UNC13C: variants seen among roughly 807,000 people sequenced by gnomAD.
The protein encoded by UNC13C is unc-13 homolog C, also known as protein unc-13 homolog C.
Under a neutral mutation model 245.4 loss-of-function variants are expected in UNC13C, and 174 were observed. The observed-to-expected ratio is 0.71, with a 90% CI of 0.63 to 0.80. UNC13C has a LOEUF of 0.80. Among genes scored for constraint, UNC13C ranks in the 30% least tolerant of loss-of-function variants. The probability of loss-of-function intolerance (pLI) is 0.00; values close to 1 mark genes in which losing one functional copy is unlikely to be tolerated. For synonymous variants in UNC13C, 992 were observed against 895.1 expected, an observed-to-expected ratio of 1.11 and a Z score of -1.93; for missense variants, 2,829 against 2,602.9, an observed-to-expected ratio of 1.09 and a Z score of -1.89.
At chr15:53,857,996 C>G in the UNC13C span, among the ~76,000 whole-genome samples, 1 of 152,132 alleles carries the variant, frequency 6.6e-6, no homozygotes, top group African/African-American at 2.4e-5. Flanking sequence ...GCTTAACATG[C>G]TGCTTTCTTA....
chr15:54,018,977 A>G (rs1191211612), intron 2 of UNC13C, among the ~76,000 whole-genome samples: 3 of 152,224 alleles, frequency 2.0e-5, no homozygotes, highest in African/African-American at 7.2e-5. Flanking sequence ...GTGGCTTTTA[A>G]TCGCTAAGAC....
At chr15:53,878,222 C>T in the UNC13C span, among the ~76,000 whole-genome samples, 30,510 of 151,984 alleles carry the variant, frequency 0.2, 3,451 homozygotes, top group Non-Finnish European at 0.25. Context: ...AACTTAGAAA[C>T]TCCATCTGTG....
intron 17 of UNC13C, among the ~76,000 whole-genome samples, chr15:54,361,865 A>C (rs1011336404): frequency 6.6e-6 from 1 of 152,218 alleles, no homozygotes; most frequent in Non-Finnish European, 1.5e-5. Flanking sequence ...TAGAGAGTAC[A>C]AGAACTTAAA....
At position 54,501,998 on chromosome 15, in the gene UNC13C, C is replaced by T. The variant is rs1003442002; in HGVS notation, c.5301+1020C>T. On this transcript the variant is annotated intron_variant, in intron 22 of 32. Transcript: ENST00000260323. Reference sequence around the variant, plus strand: ...TTAATGTGCTGGTCAACTTAGGAAACGCAGAACCTTTGGAGATTTTTATGC... The same window carrying T: ...TTAATGTGCTGGTCAACTTAGGAAATGCAGAACCTTTGGAGATTTTTATGC... 5.9e-5 allele frequency among the ~76,000 whole-genome samples: 9 copies of T among 152,192 alleles called. No individual in the cohort carries two copies. The South Asian group carries it at 8.3e-4, about 14-fold the overall frequency.
the UNC13C span, among the ~76,000 whole-genome samples, chr15:53,879,790 T>G: frequency 6.6e-6 from 1 of 152,190 alleles, no homozygotes; most frequent in Non-Finnish European, 1.5e-5. Context: ...TTTCACCATT[T>G]TGGTCAGGCT....
intron 2 of UNC13C, among the ~76,000 whole-genome samples, chr15:54,094,340 T>C (rs1189338677): frequency 2.6e-5 from 4 of 152,174 alleles, no homozygotes; most frequent in Admixed American, 2.6e-4. Context: ...CTCTAATAAA[T>C]CTCTGTGCAG....
At chr15:54,402,003 A>G (rs2040197032) in intron 18 of UNC13C, among the ~76,000 whole-genome samples, 1 of 151,984 alleles carries the variant, frequency 6.6e-6, no homozygotes, top group South Asian at 2.1e-4. Context: ...AACCCAATAT[A>G]ATATTATATG....
the UNC13C span, among the ~76,000 whole-genome samples, chr15:53,890,678 G>T: frequency 6.6e-6 from 1 of 152,114 alleles, no homozygotes; most frequent in African/African-American, 2.4e-5. Flanking sequence ...TTCTCTGATG[G>T]TAGTTTGTAT....
chr15:54,355,722 T>C, intron 17 of UNC13C, among the ~76,000 whole-genome samples: 1 of 152,126 alleles, frequency 6.6e-6, no homozygotes, highest in East Asian at 1.9e-4. Flanking sequence ...CTCAGGCACA[T>C]AATTTAAAAG....
chr15:54,521,633 A>G (rs968787499), intron 24 of UNC13C, among the ~76,000 whole-genome samples: 1 of 152,248 alleles, frequency 6.6e-6, no homozygotes, highest in Non-Finnish European at 1.5e-5. Flanking sequence ...CAGTGTGGGT[A>G]TGGTAACCAT....
chr15:53,871,353 C>T, the UNC13C span, among the ~76,000 whole-genome samples: 2 of 152,148 alleles, frequency 1.3e-5, no homozygotes, highest in African/African-American at 2.4e-5. Context: ...CTTAACTCCC[C>T]CTGACTAACT....
chr15:54,371,351 G>A (rs548276893), intron 17 of UNC13C, among the ~76,000 whole-genome samples: 1 of 152,210 alleles, frequency 6.6e-6, no homozygotes, highest in South Asian at 2.1e-4. Flanking sequence ...TCAAAATGAT[G>A]GAAATGTATA....
At chr15:53,901,885 T>A in the UNC13C span, among the ~76,000 whole-genome samples, 1 of 152,190 alleles carries the variant, frequency 6.6e-6, no homozygotes, top group Non-Finnish European at 1.5e-5. Context: ...CTCTTATCTC[T>A]GACTTATCTC....
At position 54,333,826 on chromosome 15, in the gene UNC13C, G is replaced by C. The variant is rs1205524631; in HGVS notation, c.4554G>C (p.Leu1518=). 5 of 1,605,718 alleles carry C rather than the reference G, an allele frequency of 3.1e-6. No individual in the cohort carries two copies. The highest frequency in any genetic ancestry group is 1.3e-5 in the African/African-American group (1 of 74,772). The change falls in exon 16 of 33, where the codon CTG becomes CTC. Residue 1518 remains leucine, a synonymous_variant. Coordinates refer to ENST00000260323, the MANE Select transcript of UNC13C (RefSeq NM_001080534.3). ...AAGACCTGAAATCAACTGTTGACCTGTTAACAAGTATCACCTTTTTTAGGA... is the reference window on the plus strand; with the variant it reads ...AAGACCTGAAATCAACTGTTGACCTCTTAACAAGTATCACCTTTTTTAGGA... The part of the protein sequence containing the change: ...RLQDLKSTVD[L]LTSITFFRMK...
intron 32 of UNC13C, 76 bp downstream of exon 32, chr15:54,624,030 G>A: frequency 1.9e-6 from 3 of 1,565,746 alleles, no homozygotes; most frequent in African/African-American, 1.4e-5. Context: ...GGGATTTGGA[G>A]TGTGAAGGGC....
chr15:54,591,430 TG>T (rs1438407771), intron 30 of UNC13C, among the ~76,000 whole-genome samples: 1 of 152,166 alleles, frequency 6.6e-6, no homozygotes, highest in Non-Finnish European at 1.5e-5. Context: ...GGACTTTTTT[TG>T]TTGGTAACGT....
chr15:54,131,739 C>T (rs868290481), intron 2 of UNC13C, among the ~76,000 whole-genome samples: 2 of 152,152 alleles, frequency 1.3e-5, no homozygotes, highest in Admixed American at 6.5e-5. Context: ...TAAGGGCTGA[C>T]TCCTATAAAA....
chr15:54,512,446 C>T (rs1002303884), intron 24 of UNC13C: 1 of 443,530 alleles, frequency 2.3e-6, no homozygotes, highest in East Asian at 7.1e-5. Flanking sequence ...TACCTAAAGA[C>T]CATTGCATTT....
At chr15:53,916,293 T>G in the UNC13C span, among the ~76,000 whole-genome samples, 1 of 152,204 alleles carries the variant, frequency 6.6e-6, no homozygotes, top group East Asian at 1.9e-4. Flanking sequence ...TTCAGGTCAA[T>G]AGGAAGTAGT....
Sources: allele counts gnomAD v4.1 joint callset (sites outside exome capture counted in the v4.1 genomes callset), GRCh38; gene constraint gnomAD v4.1.1; transcripts MANE v1.5; gene names NCBI Gene and HGNC (gene_info 2026-07-23, HGNC 2026-07-21).